Variants in DENND1A observed in about 807,000 individuals in gnomAD.
DENND1A encodes the protein DENN domain containing 1A.
Under a neutral mutation model 113.7 loss-of-function variants are expected in DENND1A, and 51 were observed. The observed-to-expected ratio is 0.45, with a 90% CI of 0.36 to 0.57. The LOEUF (loss-of-function observed/expected upper bound fraction) is 0.57, where lower values mean the gene tolerates loss of function less well. DENND1A is among the 20% of genes least tolerant of loss of function. The pLI is 0.00. For synonymous variants in DENND1A, 565 were observed against 570.8 expected (o/e 0.99, Z 0.14); for missense variants, 1,258 against 1,395.9 (o/e 0.90, Z 1.57).
chr9:123,504,901 G>C (rs1428383943), intron 13 of DENND1A, among the ~76,000 whole-genome samples: 1 of 152,120 alleles, frequency 6.6e-6, no homozygotes, highest in African/African-American at 2.4e-5. Flanking sequence ...TGTTCTGCTT[G>C]GTAATTATGG....
At chr9:123,616,086 C>T (rs148024965) in intron 10 of DENND1A, among the ~76,000 whole-genome samples, 25 of 152,278 alleles carry the variant, frequency 1.6e-4, no homozygotes, top group African/African-American at 4.6e-4. Flanking sequence ...CGTACTACCA[C>T]GCCTGGCTGG....
chr9:123,429,440 C>T (rs531166728), intron 19 of DENND1A, among the ~76,000 whole-genome samples: 8 of 152,044 alleles, frequency 5.3e-5, no homozygotes, highest in East Asian at 1.9e-4. Context: ...ACCTATAATC[C>T]GATACTTGGG....
intron 2 of DENND1A, among the ~76,000 whole-genome samples, chr9:123,849,172 T>G (rs1259987700): frequency 6.6e-6 from 1 of 152,204 alleles, no homozygotes; most frequent in African/African-American, 2.4e-5. Flanking sequence ...CATCTAGGAC[T>G]TTCATAGCTA....
intron 2 of DENND1A, among the ~76,000 whole-genome samples, chr9:123,809,325 T>A (rs1414311374): frequency 6.6e-6 from 1 of 152,240 alleles, no homozygotes; most frequent in Non-Finnish European, 1.5e-5. Context: ...AATCTTAAAA[T>A]GTTGGACTGG....
rs529537357 is a variant in DENND1A, at chr9:123,575,488, G to C, written c.867+7681C>G. ...TCAGAAGTCTCTGCATGATTAGAGT[G>C]GATTTTTGGAAAGAATACCACAGAA... On this transcript the variant is annotated intron_variant, in intron 12 of 23. Transcript: ENST00000394215. Among the ~76,000 whole-genome samples the C allele has an allele frequency of 2.0e-5, 3 of 152,202 alleles. No homozygotes were observed. In the East Asian group the frequency reaches 5.8e-4, roughly 29 times the overall value.
chr9:123,663,473 A>G (rs1007653324), intron 8 of DENND1A, among the ~76,000 whole-genome samples: 4 of 152,192 alleles, frequency 2.6e-5, no homozygotes, highest in Non-Finnish European at 5.9e-5. Context: ...AGTATGCTCT[A>G]TTTTGAAATT....
chr9:123,613,015 G>A lies in DENND1A; in HGVS notation c.720-3534C>T, dbSNP rs115235491. 4.4e-3 allele frequency among the ~76,000 whole-genome samples: 667 copies of A among 152,230 alleles called. 5 individuals are homozygous for A. Among genetic ancestry groups the A allele is most frequent in the African/African-American group, 0.016 (644 of 41,538 alleles). ...CTGGTTCTGTAGCATACCCGCTCTA[G>A]GATACCTGGTAAACTGCTGGTAAGA... On this transcript the variant is annotated intron_variant, in intron 10 of 23. Transcript: ENST00000394215.
chr9:123,409,525 G>A (rs1463781753), intron 20 of DENND1A, among the ~76,000 whole-genome samples: 3 of 151,028 alleles, frequency 2.0e-5, no homozygotes, highest in Admixed American at 6.6e-5. Flanking sequence ...AGCAGAAGAC[G>A]GAGGGTCCAG....
chr9:123,827,783 G>A (rs551410567), intron 2 of DENND1A, among the ~76,000 whole-genome samples: 1 of 152,100 alleles, frequency 6.6e-6, no homozygotes, highest in African/African-American at 2.4e-5. Flanking sequence ...GGAAATAGAT[G>A]AATCCTCAGA....
At chr9:123,714,115 T>C (rs2066814418) in intron 5 of DENND1A, among the ~76,000 whole-genome samples, 2 of 152,252 alleles carry the variant, frequency 1.3e-5, no homozygotes, top group Non-Finnish European at 2.9e-5. Flanking sequence ...TGGCATTTTA[T>C]GCTCGAGAAA....
At chr9:123,921,837 G>A (rs1352323754) in intron 1 of DENND1A, among the ~76,000 whole-genome samples, 1 of 151,626 alleles carries the variant, frequency 6.6e-6, no homozygotes, top group Non-Finnish European at 1.5e-5. Context: ...AGTCATCTTT[G>A]ATTCTTCTTT....
At chr9:123,578,507 A>T (rs2058729841) in intron 12 of DENND1A, among the ~76,000 whole-genome samples, 1 of 152,204 alleles carries the variant, frequency 6.6e-6, no homozygotes. Context: ...AGACTCCCAA[A>T]ATGCTGGGAT....
chr9:123,388,720 G>A (rs1266071961), intron 21 of DENND1A, among the ~76,000 whole-genome samples: 1 of 152,302 alleles, frequency 6.6e-6, no homozygotes, highest in South Asian at 2.1e-4. Context: ...CTCCACGCCC[G>A]GCTCCCATGA....
chr9:123,605,008 A>G (rs2060092087), intron 11 of DENND1A, among the ~76,000 whole-genome samples: 1 of 152,206 alleles, frequency 6.6e-6, no homozygotes, highest in African/African-American at 2.4e-5. Flanking sequence ...AGACACAGCC[A>G]TTATCCTCAG....
At chr9:123,683,473 T>C (rs2064602800) in intron 5 of DENND1A, among the ~76,000 whole-genome samples, 1 of 152,206 alleles carries the variant, frequency 6.6e-6, no homozygotes, top group African/African-American at 2.4e-5. Context: ...CCACAATACT[T>C]GATGCATTAT....
chr9:123,878,783 T>G (rs1461755074), intron 2 of DENND1A, among the ~76,000 whole-genome samples, 168 bp downstream of exon 2: 3 of 152,252 alleles, frequency 2.0e-5, no homozygotes, highest in Non-Finnish European at 2.9e-5. Context: ...CACTGTGTTT[T>G]CATTCTCCAT....
chr9:123,519,718 T>C (rs892695134), intron 13 of DENND1A, among the ~76,000 whole-genome samples: 2 of 152,116 alleles, frequency 1.3e-5, no homozygotes, highest in Non-Finnish European at 2.9e-5. Flanking sequence ...ACACCTGGCC[T>C]GGGTCCTCAT....
chr9:123,442,680 GA>G (rs2047016020), intron 18 of DENND1A, among the ~76,000 whole-genome samples: 2 of 152,144 alleles, frequency 1.3e-5, no homozygotes, highest in Admixed American at 1.3e-4. Context: ...TAGTTATTTA[GA>G]AAAAAAGAAC....
chr9:123,416,064 C>T (rs952028757), intron 19 of DENND1A, among the ~76,000 whole-genome samples: 3 of 152,176 alleles, frequency 2.0e-5, no homozygotes, highest in Non-Finnish European at 4.4e-5. Context: ...AAGCTGAAGC[C>T]AGCACTAGCT....
Sources: allele counts gnomAD v4.1 joint callset (sites outside exome capture counted in the v4.1 genomes callset), GRCh38; gene constraint gnomAD v4.1.1; transcripts MANE v1.5; gene names NCBI Gene and HGNC (gene_info 2026-07-23, HGNC 2026-07-21).